Variants in ANKS1B observed in about 807,000 individuals in gnomAD.
The protein encoded by ANKS1B is ankyrin repeat and sterile alpha motif domain containing 1B.
In ANKS1B, 36 loss-of-function variants were observed where a neutral mutation model predicts 148.3. That is an observed-to-expected ratio of 0.24 (90% CI 0.19 to 0.32). The LOEUF (loss-of-function observed/expected upper bound fraction) is 0.32. ANKS1B is among the 10% of genes least tolerant of loss of function. The pLI is 1.00. For missense variants in ANKS1B, 1,157 were observed against 1,542.6 expected (o/e 0.75, Z 4.19); for synonymous variants, 542 against 560.8 (o/e 0.97, Z 0.47).
chr12:99,456,579 T>C (rs977715850), intron 10 of ANKS1B, among the ~76,000 whole-genome samples: 15 of 151,662 alleles, frequency 9.9e-5, no homozygotes, highest in Admixed American at 2.6e-4. Context: ...ATAAAAAAAA[T>C]CACAACTTCT....
At chr12:99,699,583 T>C (rs2054490055) in intron 8 of ANKS1B, among the ~76,000 whole-genome samples, 1 of 151,962 alleles carries the variant, frequency 6.6e-6, no homozygotes, top group African/African-American at 2.4e-5. Flanking sequence ...AAGAACAGAG[T>C]CTTCTTGTAT....
chr12:98,915,226 C>T (rs2099792630), intron 17 of ANKS1B, among the ~76,000 whole-genome samples: 1 of 152,088 alleles, frequency 6.6e-6, no homozygotes, highest in South Asian at 2.1e-4. Context: ...AGGAGATATC[C>T]ATAGAGGGAA....
At chr12:99,206,384 G>C (rs564766696) in intron 14 of ANKS1B, among the ~76,000 whole-genome samples, 74 of 152,186 alleles carry the variant, frequency 4.9e-4, no homozygotes, top group African/African-American at 1.6e-3. Flanking sequence ...GCATGTTTCA[G>C]ATGAACAACA....
chr12:99,428,737 G>A (rs1335843517), intron 11 of ANKS1B, among the ~76,000 whole-genome samples: 1 of 152,122 alleles, frequency 6.6e-6, no homozygotes, highest in Non-Finnish European at 1.5e-5. Context: ...TGACATCCCA[G>A]TAGCAATTAA....
intron 10 of ANKS1B, among the ~76,000 whole-genome samples, chr12:99,492,432 C>T (rs575403278): frequency 2.0e-5 from 3 of 152,200 alleles, no homozygotes; most frequent in East Asian, 3.9e-4. Flanking sequence ...CCAAAAAAAG[C>T]CTATGACTAG....
intron 1 of ANKS1B, among the ~76,000 whole-genome samples, chr12:99,904,376 G>T (rs1037094374): frequency 6.6e-6 from 1 of 151,884 alleles, no homozygotes; most frequent in Admixed American, 6.6e-5. Context: ...ATTTTTAGTA[G>T]AAGAGGGGTT....
chr12:98,782,189 T>C, intron 22 of ANKS1B, 52 bp from the exon 23 acceptor site: 8 of 1,488,916 alleles, frequency 5.4e-6, no homozygotes, highest in Non-Finnish European at 7.4e-6. Context: ...AGAGAAAACA[T>C]ATAAAAGGTG....
intron 14 of ANKS1B, among the ~76,000 whole-genome samples, chr12:99,169,813 T>C (rs2077561496): frequency 6.6e-6 from 1 of 152,230 alleles, no homozygotes; most frequent in Non-Finnish European, 1.5e-5. Flanking sequence ...ATGAATTGTC[T>C]AAAGCTGCCC....
chr12:99,004,044 C>T (rs1357466006), intron 17 of ANKS1B, among the ~76,000 whole-genome samples: 2 of 152,304 alleles, frequency 1.3e-5, no homozygotes, highest in Non-Finnish European at 1.5e-5. Context: ...TGACACTACC[C>T]TCTCTCTTCT....
chr12:98,868,083 C>CT (rs2099634805), intron 17 of ANKS1B, among the ~76,000 whole-genome samples: 1 of 152,186 alleles, frequency 6.6e-6, no homozygotes, highest in South Asian at 2.1e-4. Context: ...CTCTGTTTGT[C>CT]TATCAAACCA....
chr12:99,155,852 T>G (rs929342591), intron 14 of ANKS1B, among the ~76,000 whole-genome samples: 4 of 152,130 alleles, frequency 2.6e-5, no homozygotes, highest in African/African-American at 9.7e-5. Context: ...TTACTACTTC[T>G]CACGAAGCCT....
intron 10 of ANKS1B, among the ~76,000 whole-genome samples, chr12:99,452,577 A>G (rs1460537701): frequency 3.9e-5 from 6 of 152,238 alleles, no homozygotes; most frequent in Non-Finnish European, 8.8e-5. Flanking sequence ...TAGTGATTGT[A>G]CATGACTACC....
intron 8 of ANKS1B, among the ~76,000 whole-genome samples, chr12:99,671,343 T>A (rs1273229231): frequency 6.6e-6 from 1 of 151,860 alleles, no homozygotes; most frequent in East Asian, 1.9e-4. Context: ...CTTGTATGCA[T>A]GTGTGTGTGT....
chr12:99,896,440 G>T (rs2093389514), intron 1 of ANKS1B, among the ~76,000 whole-genome samples: 1 of 151,088 alleles, frequency 6.6e-6, no homozygotes, highest in East Asian at 1.9e-4. Context: ...CCTTCTTTAA[G>T]GCTGAATAAT....
At chr12:99,444,584 A>G (rs748052574) in intron 10 of ANKS1B, among the ~76,000 whole-genome samples, 9 of 152,080 alleles carry the variant, frequency 5.9e-5, no homozygotes, top group Middle Eastern at 3.4e-3. Flanking sequence ...GAATGTTTAA[A>G]ATACTTGGGA....
At chr12:99,526,610 T>C (rs2096929128) in intron 9 of ANKS1B, among the ~76,000 whole-genome samples, 1 of 152,100 alleles carries the variant, frequency 6.6e-6, no homozygotes, top group Non-Finnish European at 1.5e-5. Flanking sequence ...TCTTTAGAAG[T>C]TACTGATGAA....
intron 9 of ANKS1B, among the ~76,000 whole-genome samples, chr12:99,605,013 G>C (rs1472859339): frequency 1.3e-5 from 2 of 151,544 alleles, no homozygotes; most frequent in Non-Finnish European, 2.9e-5. Flanking sequence ...TACATAAAAG[G>C]AATAAAAACT....
chr12:99,709,534 A>T (rs951753000), intron 8 of ANKS1B, among the ~76,000 whole-genome samples: 2 of 152,152 alleles, frequency 1.3e-5, no homozygotes, highest in Non-Finnish European at 1.5e-5. Flanking sequence ...TTAAAAGAAG[A>T]TAATAATACC....
intron 12 of ANKS1B, among the ~76,000 whole-genome samples, chr12:99,333,881 T>C (rs902246005): frequency 1.4e-5 from 2 of 141,412 alleles, no homozygotes; most frequent in African/African-American, 5.6e-5. Flanking sequence ...TTTTTAACAA[T>C]GTGAGTAAGT....
Sources: allele counts gnomAD v4.1 joint callset (sites outside exome capture counted in the v4.1 genomes callset), GRCh38; gene constraint gnomAD v4.1.1; transcripts MANE v1.5; gene names NCBI Gene and HGNC (gene_info 2026-07-23, HGNC 2026-07-21).